Variants in AUH observed in about 807,000 individuals in gnomAD.
AUH encodes methylglutaconyl-CoA hydratase, mitochondrial.
In AUH, 29 loss-of-function variants were observed where a neutral mutation model predicts 42.3. That is an observed-to-expected ratio of 0.69 (90% CI 0.51 to 0.93). The LOEUF (loss-of-function observed/expected upper bound fraction) is 0.93. Ranked by LOEUF, AUH falls within the 40% of genes least tolerant of loss-of-function variation. AUH has a pLI of 0.00. For missense variants in AUH, 452 were observed against 438.1 expected (o/e 1.03, Z -0.28); for synonymous variants, 174 against 166.4 (o/e 1.05, Z -0.35).
At chr9:91,348,634 T>C (rs1236796078) in intron 3 of AUH, among the ~76,000 whole-genome samples, 1 of 152,162 alleles carries the variant, frequency 6.6e-6, no homozygotes, top group African/African-American at 2.4e-5. Flanking sequence ...TTATGTTAAA[T>C]GAAAGAGGTC....
chr9:91,291,128 T>C (rs1309551129), intron 6 of AUH, among the ~76,000 whole-genome samples: 2 of 152,236 alleles, frequency 1.3e-5, no homozygotes, highest in East Asian at 3.8e-4. Context: ...GATGTATTAC[T>C]GCACTCTGTT....
At chr9:91,347,778 G>A (rs1831636948) in intron 3 of AUH, among the ~76,000 whole-genome samples, 1 of 151,672 alleles carries the variant, frequency 6.6e-6, no homozygotes. Context: ...TGACTGTGGG[G>A]TAAAACAAAA....
chr9:91,262,972 G>A (rs1006006896), intron 6 of AUH, among the ~76,000 whole-genome samples: 4 of 152,316 alleles, frequency 2.6e-5, no homozygotes, highest in Admixed American at 2.6e-4. Context: ...TATGTTTCTT[G>A]AGTGTTGCAG....
At chr9:91,336,635 CAA>C (rs1378508727) in intron 3 of AUH, among the ~76,000 whole-genome samples, 4 of 83,846 alleles carry the variant, frequency 4.8e-5, no homozygotes, top group Admixed American at 1.4e-4. Context: ...ACTCGGTCTC[CAA>C]AAAAAAAAAA....
chr9:91,282,402 G>C (rs921621251), intron 6 of AUH, among the ~76,000 whole-genome samples: 1 of 151,752 alleles, frequency 6.6e-6, no homozygotes, highest in Non-Finnish European at 1.5e-5. Context: ...TAGGTCTACT[G>C]TTCCTGTGCT....
intron 6 of AUH, among the ~76,000 whole-genome samples, chr9:91,225,546 T>A (rs989747974): frequency 6.6e-6 from 1 of 150,376 alleles, no homozygotes; most frequent in Non-Finnish European, 1.5e-5. Context: ...TTCTTTTTTT[T>A]TATTATTATT....
In AUH at chr9:91,218,845, G is replaced by C. The variant is rs1826969953; in HGVS notation, c.844-1518C>G. ...ACAAAGTAACAAACATAAAAATAAA[G>C]GTGATTCCACTCAAACTTCATTTGG... On this transcript the variant is annotated intron_variant, in intron 7 of 9. Transcript: ENST00000375731. The C allele has an allele frequency of 1.6e-5, 16 of 985,326 alleles. No individual in the cohort carries two copies. The South Asian group carries it at 7.0e-4, about 43-fold the overall frequency. 61.0% of individuals were successfully genotyped at this position (985,326 alleles called of 1,614,324 possible).
At chr9:91,341,799 C>T (rs1384321317) in intron 3 of AUH, among the ~76,000 whole-genome samples, 2 of 152,118 alleles carry the variant, frequency 1.3e-5, no homozygotes, top group African/African-American at 2.4e-5. Context: ...AGAACAGAAA[C>T]GTTCAGAGAT....
intron 6 of AUH, among the ~76,000 whole-genome samples, chr9:91,278,284 G>T (rs1825703121): frequency 6.6e-6 from 1 of 152,142 alleles, no homozygotes; most frequent in Admixed American, 6.5e-5. Flanking sequence ...AAACATTCTA[G>T]TTTCACAGTG....
intron 6 of AUH, among the ~76,000 whole-genome samples, chr9:91,283,435 C>CA (rs1826137506): frequency 6.6e-6 from 1 of 152,082 alleles, no homozygotes; most frequent in Non-Finnish European, 1.5e-5. Context: ...CACTCCTATT[C>CA]AACATAGTGT....
At position 91,295,194 on chromosome 9, in the gene AUH, C is replaced by T. The variant is rs1003495954; in HGVS notation, c.655+827G>A. ...CTTCTGTCATGACTGTGAGGACTCC[C>T]CAGCCATGTAGAACTGTGAGTCCAT... On this transcript the variant is annotated intron_variant, in intron 6 of 9. Transcript: ENST00000375731. 3.3e-5 allele frequency among the ~76,000 whole-genome samples: 5 copies of T among 152,138 alleles called. 1 individual carries two copies. In the South Asian group the frequency reaches 6.2e-4, roughly 19 times the overall value.
At chr9:91,252,099 T>G (rs1206067944) in intron 6 of AUH, among the ~76,000 whole-genome samples, 1 of 152,148 alleles carries the variant, frequency 6.6e-6, no homozygotes, top group East Asian at 1.9e-4. Context: ...CCTCAGTAGC[T>G]GGGACTACAG....
intron 4 of AUH, chr9:91,306,398 G>A: frequency 1.0e-6 from 1 of 984,832 alleles, no homozygotes; most frequent in African/African-American, 1.7e-5. Context: ...CATTTAAAAT[G>A]CTGCTTAACA....
chr9:91,317,227 CTCA>C lies in AUH; in HGVS notation c.505+8088_505+8090del, dbSNP rs1194231374. ...TTGGCTATTTGGGGGTCTCTTTTTGCTCATCAAGTCCCTCACAAAATCAATACT... is the reference window on the plus strand; with the variant it reads ...TTGGCTATTTGGGGGTCTCTTTTTGCTCAAGTCCCTCACAAAATCAATACT... On this transcript the variant is annotated intron_variant, in intron 4 of 9. Transcript: ENST00000375731. Among the ~76,000 whole-genome samples, 8 of 152,250 alleles carry C rather than the reference CTCA, an allele frequency of 5.3e-5. No individual in the cohort carries two copies. The East Asian group carries it at 5.8e-4, about 11-fold the overall frequency.
chr9:91,318,772 C>A (rs916395140), intron 4 of AUH, among the ~76,000 whole-genome samples: 1 of 152,190 alleles, frequency 6.6e-6, no homozygotes, highest in African/African-American at 2.4e-5. Flanking sequence ...CCTCCCAGCC[C>A]CCTTGCCTCT....
At chr9:91,326,956 T>C (rs926797864) in intron 3 of AUH, among the ~76,000 whole-genome samples, 1 of 152,156 alleles carries the variant, frequency 6.6e-6, no homozygotes, top group African/African-American at 2.4e-5. Flanking sequence ...AATTTAAATA[T>C]TTTACATTTA....
At position 91,294,317 on chromosome 9, in the gene AUH, AG is replaced by A. The variant is rs1827141751; in HGVS notation, c.655+1703del. On this transcript the variant is annotated intron_variant, in intron 6 of 9. Coordinates refer to ENST00000375731, the MANE Select transcript of AUH (RefSeq NM_001698.3). ...GTAATCCCAGCACTTTGGGAGCTTG[AG>A]GCAGGCAGATCATGAGGTCAAGAGA... Among the ~76,000 whole-genome samples the A allele has an allele frequency of 7.2e-5, 11 of 152,304 alleles. No homozygotes were observed. In the South Asian group the frequency reaches 2.3e-3, roughly 32 times the overall value.
At chr9:91,230,723 TG>T (rs1827821451) in intron 6 of AUH, among the ~76,000 whole-genome samples, 1 of 152,086 alleles carries the variant, frequency 6.6e-6, no homozygotes, top group Non-Finnish European at 1.5e-5. Context: ...GATGTACAGA[TG>T]GGTTTTTGGT....
At position 91,214,346 on chromosome 9, in the gene AUH, T is replaced by A. The variant is rs1404162444; in HGVS notation, c.*2A>T. 2.5e-6 allele frequency: 4 copies of A among 1,603,556 alleles called. No homozygotes were observed. The South Asian group carries it at 4.4e-5, about 18-fold the overall frequency. On this transcript the variant is annotated 3_prime_UTR_variant, in exon 10 of 10. Transcript: ENST00000375731. ...TTGGCATCTTAAGAATTTCTGTTCCTTTTATTCTCCTTTATAGCGAGGGGG... is the reference window on the plus strand; with the variant it reads ...TTGGCATCTTAAGAATTTCTGTTCCATTTATTCTCCTTTATAGCGAGGGGG...
Sources: allele counts gnomAD v4.1 joint callset (sites outside exome capture counted in the v4.1 genomes callset), GRCh38; gene constraint gnomAD v4.1.1; transcripts MANE v1.5; gene names NCBI Gene and HGNC (gene_info 2026-07-23, HGNC 2026-07-21).